The following MARK1 variants were observed in gnomAD, a reference collection of about 807,000 sequenced individuals.
The protein encoded by MARK1 is serine/threonine-protein kinase MARK1.
MARK1 carries 40 observed loss-of-function variants against 96.3 expected under a neutral mutation model. The ratio of observed to expected loss-of-function variants is 0.42; its 90% CI spans 0.32 to 0.54. MARK1 has a LOEUF of 0.54. MARK1 is among the 20% of genes least tolerant of loss of function. The probability of loss-of-function intolerance (pLI) is 0.16; values close to 1 mark genes in which losing one functional copy is unlikely to be tolerated. For synonymous variants in MARK1, 317 were observed against 341.2 expected (o/e 0.93, Z 0.78); for missense variants, 719 against 984.6 (o/e 0.73, Z 3.61).
chr1:220,646,634 C>T (rs574523151), intron 13 of MARK1, among the ~76,000 whole-genome samples: 2 of 152,246 alleles, frequency 1.3e-5, no homozygotes, highest in Admixed American at 6.5e-5. Flanking sequence ...AGAGGCATCA[C>T]GCTATCTGAC....
At chr1:220,586,028 G>A (rs990833345) in intron 3 of MARK1, among the ~76,000 whole-genome samples, 1 of 93,242 alleles carries the variant, frequency 1.1e-5, no homozygotes, top group Non-Finnish European at 2.6e-5. Flanking sequence ...CGTGCGCAGA[G>A]AGAGAGAGTT....
intron 17 of MARK1, among the ~76,000 whole-genome samples, chr1:220,660,532 T>C (rs922740399): frequency 6.6e-6 from 1 of 152,166 alleles, no homozygotes; most frequent in Non-Finnish European, 1.5e-5. Flanking sequence ...TAAACTCCTT[T>C]CAAGGGACTT....
intron 13 of MARK1, among the ~76,000 whole-genome samples, chr1:220,636,720 TGAA>T (rs959623834): frequency 2.0e-5 from 3 of 151,602 alleles, no homozygotes; most frequent in African/African-American, 7.3e-5. Context: ...AAAAAAAAGA[TGAA>T]GAATATTTTA....
intron 1 of MARK1, among the ~76,000 whole-genome samples, chr1:220,529,276 T>C (rs1206077815): frequency 6.6e-6 from 1 of 152,160 alleles, no homozygotes; most frequent in East Asian, 1.9e-4. Context: ...TCTCACACTC[T>C]TGCTTTTCTG....
At chr1:220,631,459 C>T (rs1667676079) in intron 10 of MARK1, among the ~76,000 whole-genome samples, 3 of 152,188 alleles carry the variant, frequency 2.0e-5, no homozygotes, top group South Asian at 2.1e-4. Flanking sequence ...TAAGCATCAG[C>T]GAACATAGCA....
chr1:220,586,011 A>ATGCG (rs1553322977), intron 3 of MARK1, among the ~76,000 whole-genome samples: 1 of 148,536 alleles, frequency 6.7e-6, no homozygotes. Flanking sequence ...ACACACACAC[A>ATGCG]CGCGCGCGTG....
At chr1:220,530,012 G>C (rs1322973683) in intron 1 of MARK1, among the ~76,000 whole-genome samples, 2 of 152,098 alleles carry the variant, frequency 1.3e-5, no homozygotes, top group Non-Finnish European at 2.9e-5. Context: ...ATAACGAAGC[G>C]CTTTGGTGTT....
At chr1:220,591,379 A>C in intron 3 of MARK1, among the ~76,000 whole-genome samples, 1 of 152,218 alleles carries the variant, frequency 6.6e-6, no homozygotes, top group Non-Finnish European at 1.5e-5. Context: ...ATTTGCCAGT[A>C]ATTTCATAAA....
intron 2 of MARK1, among the ~76,000 whole-genome samples, chr1:220,579,851 C>T (rs1317101800): frequency 2.0e-5 from 3 of 152,144 alleles, no homozygotes; most frequent in Non-Finnish European, 4.4e-5. Context: ...TTTCTGATTG[C>T]CATTGCTGCC....
chr1:220,529,989 T>C (rs1365603385), intron 1 of MARK1, among the ~76,000 whole-genome samples: 1 of 152,080 alleles, frequency 6.6e-6, no homozygotes, highest in African/African-American at 2.4e-5. Context: ...CTTCATGGGG[T>C]TGGTAAAATA....
chr1:220,647,497 G>T (rs1006694801), intron 13 of MARK1, among the ~76,000 whole-genome samples: 1 of 152,124 alleles, frequency 6.6e-6, no homozygotes, highest in African/African-American at 2.4e-5. Context: ...ATTCCTCAAA[G>T]ATTTAGAACT....
At chr1:220,623,435 C>T (rs1667152246) in intron 9 of MARK1, among the ~76,000 whole-genome samples, 1 of 152,204 alleles carries the variant, frequency 6.6e-6, no homozygotes, top group African/African-American at 2.4e-5. Context: ...ACCCCCACAT[C>T]TTCCCTTTCT....
chr1:220,545,089 A>G (rs529974434), intron 1 of MARK1, among the ~76,000 whole-genome samples: 1 of 152,366 alleles, frequency 6.6e-6, no homozygotes, highest in Admixed American at 6.5e-5. Flanking sequence ...AGCCTTTGAA[A>G]TGAGGCTTGA....
intron 1 of MARK1, among the ~76,000 whole-genome samples, chr1:220,547,522 C>T (rs1387249991): frequency 6.6e-6 from 1 of 152,060 alleles, no homozygotes; most frequent in Admixed American, 6.5e-5. Flanking sequence ...GTTGCTAATT[C>T]TGCTTTGTAT....
intron 1 of MARK1, among the ~76,000 whole-genome samples, chr1:220,540,984 A>G (rs1661104278): frequency 6.6e-6 from 1 of 151,130 alleles, no homozygotes; most frequent in Admixed American, 6.6e-5. Flanking sequence ...TCCAGGCTGG[A>G]GAGCTGTGGT....
chr1:220,600,297 C>T (rs1466879490), intron 5 of MARK1, among the ~76,000 whole-genome samples: 1 of 152,116 alleles, frequency 6.6e-6, no homozygotes, highest in Non-Finnish European at 1.5e-5. Context: ...TCTCAATATA[C>T]ATACATTTCC....
intron 3 of MARK1, among the ~76,000 whole-genome samples, chr1:220,582,635 A>G (rs1664316336): frequency 6.6e-6 from 1 of 152,196 alleles, no homozygotes; most frequent in African/African-American, 2.4e-5. Flanking sequence ...GCTAGCTGGA[A>G]TACACAGCAA....
intron 17 of MARK1, among the ~76,000 whole-genome samples, chr1:220,658,974 C>T (rs1043852522): frequency 2.0e-5 from 3 of 152,180 alleles, no homozygotes; most frequent in Non-Finnish European, 4.4e-5. Context: ...TTGAGCCCCT[C>T]CTTGCATTTC....
At chr1:220,580,227 A>G (rs1664141520) in intron 2 of MARK1, among the ~76,000 whole-genome samples, 2 of 152,076 alleles carry the variant, frequency 1.3e-5, no homozygotes, top group Non-Finnish European at 2.9e-5. Context: ...TCATGCCTGC[A>G]ATCTCAGCAC....
Sources: gnomAD v4.1 joint callset for allele counts (sites outside exome capture counted in the v4.1 genomes callset) on GRCh38, gnomAD v4.1.1 for gene constraint, MANE v1.5 for transcripts, NCBI Gene and HGNC (gene_info 2026-07-23, HGNC 2026-07-21) for gene names.